Variants in SGMS2 observed in about 807,000 individuals in gnomAD.
SGMS2 encodes phosphatidylcholine:ceramide cholinephosphotransferase 2.
A neutral mutation model predicts 43.8 loss-of-function variants in SGMS2; 21 were observed. The ratio of observed to expected loss-of-function variants is 0.48; its 90% confidence interval spans 0.34 to 0.69. SGMS2 has a LOEUF of 0.69. SGMS2 is among the 30% of genes least tolerant of loss of function. The probability of loss-of-function intolerance (pLI) is 0.01; values close to 1 mark genes in which losing one functional copy is unlikely to be tolerated. For missense variants in SGMS2, 384 were observed against 443.2 expected, an observed-to-expected ratio of 0.87 and a Z score of 1.20; for synonymous variants, 167 against 160.6, an observed-to-expected ratio of 1.04 and a Z score of -0.30.
intron 1 of SGMS2, among the ~76,000 whole-genome samples, chr4:107,842,336 G>A (rs1726564865): frequency 6.6e-6 from 1 of 152,182 alleles, no homozygotes; most frequent in Non-Finnish European, 1.5e-5. Flanking sequence ...AGGTGAAGGG[G>A]AGCAGGTGTC....
In SGMS2 at chr4:107,908,569, G is replaced by A. The variant is rs771804582; in HGVS notation, c.732G>A (p.Ser244=). The change falls in exon 6 of 7, where the codon TCG becomes TCA. Residue 244 remains serine, a synonymous_variant. Coordinates refer to ENST00000690982, the MANE Select transcript of SGMS2 (RefSeq NM_001375905.1). The part of the protein sequence containing the change: ...TLTYLFIKEY[S]PRHFWWYHLI... ...TGTAATTTTTCTACTGTCCAGATTC[G>A]CCTCGTCACTTCTGGTGGTATCATT... The A allele has an allele frequency of 6.8e-6, 11 of 1,612,466 alleles. No individual in the cohort carries two copies. Among genetic ancestry groups the A allele is most frequent in the Admixed American group, 1.7e-5 (1 of 59,752 alleles).
intron 1 of SGMS2, among the ~76,000 whole-genome samples, chr4:107,845,209 A>G (rs1403140700): frequency 1.3e-5 from 2 of 152,210 alleles, no homozygotes; most frequent in Non-Finnish European, 2.9e-5. Context: ...GCATCCTGCA[A>G]GAGGCATCTG....
intron 1 of SGMS2, among the ~76,000 whole-genome samples, chr4:107,839,328 C>A (rs559098176): frequency 6.6e-6 from 1 of 152,148 alleles, no homozygotes; most frequent in Admixed American, 6.5e-5. Context: ...CAACTTCCCC[C>A]TGCTCCACCC....
intron 2 of SGMS2, among the ~76,000 whole-genome samples, chr4:107,879,029 T>C (rs942921309): frequency 1.3e-5 from 2 of 152,152 alleles, no homozygotes; most frequent in African/African-American, 2.4e-5. Context: ...AGTTTATTGT[T>C]TTCAAATTTG....
intron 1 of SGMS2, among the ~76,000 whole-genome samples, chr4:107,846,190 C>A (rs1255231030): frequency 6.6e-6 from 1 of 150,562 alleles, no homozygotes; most frequent in South Asian, 2.1e-4. Flanking sequence ...TATACATGTG[C>A]CATGCTGGTG....
chr4:107,832,320 T>C (rs922735561), intron 1 of SGMS2, among the ~76,000 whole-genome samples: 15 of 152,206 alleles, frequency 9.9e-5, no homozygotes, highest in African/African-American at 3.6e-4. Flanking sequence ...TATAGTTTCA[T>C]TGGCAAGTTA....
intron 2 of SGMS2, among the ~76,000 whole-genome samples, chr4:107,885,149 T>A (rs1309371262): frequency 1.3e-5 from 2 of 152,086 alleles, no homozygotes; most frequent in Admixed American, 1.3e-4. Context: ...AAGTTAAAGA[T>A]CTCTATAGAT....
chr4:107,908,698 G>C lies in SGMS2; in HGVS notation c.861G>C (p.Leu287=). 1 of 1,613,872 alleles carries C rather than the reference G, an allele frequency of 6.2e-7. No homozygotes were observed. The highest frequency in any genetic ancestry group is 8.5e-7 in the Non-Finnish European group (1 of 1,179,892). ...VIIAYYITTR[L]FWWYHSMANE... is the part of the protein sequence containing the mutation. Reference sequence around the variant, plus strand: ...TTGCTTATTATATCACAACACGACTGTTTTGGTGGTACCATTCAATGGCCA... The same window carrying C: ...TTGCTTATTATATCACAACACGACTCTTTTGGTGGTACCATTCAATGGCCA... Residue 287 remains leucine, a synonymous_variant, in exon 6 of 7, where the codon CTG becomes CTC. Coordinates refer to ENST00000690982, the MANE Select transcript of SGMS2 (RefSeq NM_001375905.1).
chr4:107,895,450 A>G lies in SGMS2; in HGVS notation c.-104A>G. 1.7e-6 allele frequency: 2 copies of G among 1,160,908 alleles called. No individual in the cohort carries two copies. The highest frequency in any genetic ancestry group is 2.4e-5 in the East Asian group (1 of 42,306). The allele number at this position is 1,160,908 out of a possible 1,614,324, so 71.9% of individuals were successfully genotyped here. A position where few individuals can be genotyped will look rare whatever the true frequency, so the allele number is the denominator to read the frequency against. On this transcript the variant is annotated 5_prime_UTR_variant, in exon 3 of 7. It removes the in-frame stop codon of an upstream open reading frame in the 5' UTR. Coordinates refer to ENST00000690982, the MANE Select transcript of SGMS2 (RefSeq NM_001375905.1). ...TGTATTAGGAAACAAAGTCCATTGT[A>G]AGAGTCCATGTTGATCTTGGAAATA...
At chr4:107,908,241 G>A (rs1376191803) in intron 5 of SGMS2, 2 of 201,830 alleles carry the variant, frequency 9.9e-6, no homozygotes, top group Non-Finnish European at 2.0e-5. Context: ...GAGCCAGTAT[G>A]CAGCAATTCC....
chr4:107,860,488 A>T (rs1211969018), intron 2 of SGMS2, among the ~76,000 whole-genome samples: 1 of 152,002 alleles, frequency 6.6e-6, no homozygotes, highest in African/African-American at 2.4e-5. Context: ...GTGTAATTTT[A>T]ATAGATATCA....
chr4:107,864,209 G>A (rs1727950410), intron 2 of SGMS2: 1 of 152,254 alleles, frequency 6.6e-6, no homozygotes, highest in African/African-American at 2.4e-5. Context: ...AGGGAAATCA[G>A]AATGTTAGAG....
chr4:107,847,376 T>C (rs1726889502), intron 1 of SGMS2, among the ~76,000 whole-genome samples: 1 of 152,174 alleles, frequency 6.6e-6, no homozygotes, highest in African/African-American at 2.4e-5. Flanking sequence ...ATGGAATCCT[T>C]TCCCCATTGC....
At chr4:107,871,609 T>C (rs1205452306) in intron 2 of SGMS2, among the ~76,000 whole-genome samples, 1 of 152,110 alleles carries the variant, frequency 6.6e-6, no homozygotes, top group Non-Finnish European at 1.5e-5. Flanking sequence ...TGGCTGTCTG[T>C]TTACTTTACC....
At chr4:107,831,095 T>C (rs575731454) in intron 1 of SGMS2, among the ~76,000 whole-genome samples, 1 of 152,306 alleles carries the variant, frequency 6.6e-6, no homozygotes, top group African/African-American at 2.4e-5. Flanking sequence ...AAAAGTACCC[T>C]TAAAGTAGCC....
chr4:107,857,614 T>C (rs1349484724), intron 1 of SGMS2, among the ~76,000 whole-genome samples: 1 of 151,964 alleles, frequency 6.6e-6, no homozygotes, highest in Non-Finnish European at 1.5e-5. Flanking sequence ...TCTTTGGATA[T>C]TCATATTGTG....
chr4:107,902,779 C>G lies in SGMS2; in HGVS notation c.574-454C>G, dbSNP rs576887161. Among the ~76,000 whole-genome samples, 134 of 152,218 alleles carry G rather than the reference C, an allele frequency of 8.8e-4. 1 individual carries two copies. The highest frequency in any genetic ancestry group is 1.6e-3 in the Non-Finnish European group (109 of 68,020). On this transcript the variant is annotated intron_variant, in intron 4 of 6. Transcript: ENST00000690982. ...ATGTTTTGATCAGACATTAATGCAG[C>G]TATATATCTGTCCACTTTAGGCTGC... is the stretch of plus-strand genomic sequence containing the variant.
At chr4:107,902,593 G>A (rs558165208) in intron 4 of SGMS2, among the ~76,000 whole-genome samples, 46 of 152,290 alleles carry the variant, frequency 3.0e-4, no homozygotes, top group African/African-American at 1.1e-3. Context: ...GTCCAGAGGA[G>A]CTCTCCCAGC....
At position 107,899,663 on chromosome 4, in the gene SGMS2, C is replaced by T; in HGVS notation, c.544C>T (p.Pro182Ser). The T allele has an allele frequency of 6.2e-7, 1 of 1,612,462 alleles. No homozygotes were observed. Among genetic ancestry groups the T allele is most frequent in the Non-Finnish European group, 8.5e-7 (1 of 1,179,248 alleles). The part of the protein sequence containing the change: ...ITMYVTTLPV[P>S]GMHFQCAPKL... ...AATGTATGTTACTACTCTACCTGTG[C>T]CTGGAATGCATTTCCAGTGTGCTCC... The change falls in exon 4 of 7, where the codon CCT becomes TCT. Residue 182 changes from proline (P) to serine (S), a missense_variant. Physicochemically the swap from Pro to Ser is moderately conservative, Grantham distance 74. Coordinates refer to ENST00000690982, the MANE Select transcript of SGMS2 (RefSeq NM_001375905.1).
Sources: allele counts gnomAD v4.1 joint callset (sites outside exome capture counted in the v4.1 genomes callset), GRCh38; gene constraint gnomAD v4.1.1; transcripts MANE v1.5; gene names NCBI Gene and HGNC (gene_info 2026-07-23, HGNC 2026-07-21).